Variants in KSR1 observed in about 807,000 individuals in gnomAD.
The protein encoded by KSR1 is kinase suppressor of ras 1, also known as kinase suppressor of ras.
A neutral mutation model predicts 92.9 loss-of-function variants in KSR1; 35 were observed. That is an observed-to-expected ratio of 0.38 (90% CI 0.29 to 0.50). KSR1 has a LOEUF of 0.50. KSR1 is among the 20% of genes least tolerant of loss of function. The pLI is 0.94. For synonymous variants in KSR1, 467 were observed against 472.6 expected (o/e 0.99, Z 0.15); for missense variants, 972 against 1,158.5 (o/e 0.84, Z 2.34).
intron 2 of KSR1, among the ~76,000 whole-genome samples, chr17:27,555,511 CGT>C (rs71359222): frequency 0.16 from 23,587 of 150,026 alleles, 1,855 homozygotes; most frequent in South Asian, 0.26. Flanking sequence ...TTTTGTTTGG[CGT>C]GTGTGTGTGT....
At chr17:27,594,539 C>T (rs571668483) in intron 9 of KSR1, among the ~76,000 whole-genome samples, 78 of 152,256 alleles carry the variant, frequency 5.1e-4, no homozygotes, top group African/African-American at 1.9e-3. Flanking sequence ...GCCCCTCCTG[C>T]GTGCACCTGC....
chr17:27,551,768 CCT>C (rs1398678094), intron 2 of KSR1, among the ~76,000 whole-genome samples: 1 of 152,192 alleles, frequency 6.6e-6, no homozygotes, highest in Non-Finnish European at 1.5e-5. Flanking sequence ...GACCCGCCTG[CCT>C]CTCTCCCTCC....
intron 2 of KSR1, among the ~76,000 whole-genome samples, chr17:27,568,405 A>C (rs1351965526): frequency 6.6e-6 from 1 of 151,926 alleles, no homozygotes; most frequent in African/African-American, 2.4e-5. Flanking sequence ...GACCCACCAG[A>C]CTCCAAGGCT....
At chr17:27,547,315 C>T (rs2071216137) in intron 1 of KSR1, among the ~76,000 whole-genome samples, 1 of 152,212 alleles carries the variant, frequency 6.6e-6, no homozygotes, top group Non-Finnish European at 1.5e-5. Context: ...GACCTGGCGT[C>T]TGTGGATAGA....
chr17:27,535,735 G>A (rs1355289229), intron 1 of KSR1, among the ~76,000 whole-genome samples: 1 of 152,204 alleles, frequency 6.6e-6, no homozygotes, highest in Non-Finnish European at 1.5e-5. Flanking sequence ...CTGGGAGCTC[G>A]CAGTCAGCCA....
At chr17:27,604,608 CG>C in intron 12 of KSR1, 71 bp from the exon 13 acceptor site, 2 of 1,459,402 alleles carry the variant, frequency 1.4e-6, no homozygotes, top group East Asian at 4.5e-5. Context: ...AGATCTCTCC[CG>C]GGAGTCCCCG....
intron 2 of KSR1, among the ~76,000 whole-genome samples, chr17:27,573,809 C>T (rs1416385955): frequency 2.0e-5 from 3 of 152,186 alleles, no homozygotes; most frequent in Non-Finnish European, 4.4e-5. Context: ...ATGGACTTAA[C>T]TCCATCTACT....
At chr17:27,468,310 A>G (rs1432377584) in intron 1 of KSR1, among the ~76,000 whole-genome samples, 1 of 150,538 alleles carries the variant, frequency 6.6e-6, no homozygotes, top group Non-Finnish European at 1.5e-5. Flanking sequence ...ATCTCAGCTC[A>G]CTGCAACCTC....
At chr17:27,608,561 C>G (rs1362388927) in intron 15 of KSR1, among the ~76,000 whole-genome samples, 1 of 152,170 alleles carries the variant, frequency 6.6e-6, no homozygotes. Context: ...TCACCCACTG[C>G]CACCTCTTCG....
intron 1 of KSR1, among the ~76,000 whole-genome samples, chr17:27,516,687 C>A (rs1364907708): frequency 6.6e-6 from 1 of 152,178 alleles, no homozygotes; most frequent in Non-Finnish European, 1.5e-5. Flanking sequence ...TCATCCTGTA[C>A]TTTTTGCTCT....
intron 1 of KSR1, among the ~76,000 whole-genome samples, chr17:27,469,616 T>G (rs1354087000): frequency 1.3e-5 from 2 of 152,214 alleles, no homozygotes; most frequent in African/African-American, 2.4e-5. Flanking sequence ...AGTAGGTTAA[T>G]TTTGGATTCT....
Position 27,582,891 on chromosome 17 carries a change from G to A in KSR1, c.766G>A (p.Ala256Thr), listed in dbSNP as rs141323140. The change falls in exon 4 of 21, where the codon GCC becomes ACC. Residue 256 changes from alanine to threonine, a missense_variant. Around this residue, in one of 5 missense-constraint regions of KSR1, gnomAD observed 611 missense variants for 668.0 expected, o/e 0.91. Transcript: ENST00000644974. ...CTCAGACACCTGTATTCCCCTGCAC[G>A]CCAGCGGCCGGCTGACCCCCCGTGC... is the stretch of plus-strand genomic sequence containing the variant. ...GLSDTCIPLH[A>T]SGRLTPRALH... 1.3e-3 allele frequency: 2,141 copies of A among 1,611,504 alleles called. 23 individuals are homozygous for A. In the African/African-American group the frequency reaches 0.025, roughly 19 times the overall value.
intron 1 of KSR1, among the ~76,000 whole-genome samples, chr17:27,510,101 C>G (rs958682296): frequency 6.6e-6 from 1 of 152,232 alleles, no homozygotes; most frequent in African/African-American, 2.4e-5. Context: ...ACAAGTTCAC[C>G]TGGGCCCTGC....
At chr17:27,530,655 T>G (rs913218009) in intron 1 of KSR1, among the ~76,000 whole-genome samples, 1 of 152,198 alleles carries the variant, frequency 6.6e-6, no homozygotes, top group African/African-American at 2.4e-5. Flanking sequence ...TTCCCATTCA[T>G]AGCCTTATAA....
intron 1 of KSR1, among the ~76,000 whole-genome samples, chr17:27,485,645 T>C (rs2068641178): frequency 6.6e-6 from 1 of 152,210 alleles, no homozygotes; most frequent in Non-Finnish European, 1.5e-5. Context: ...CTTGGTACTT[T>C]TTTTTCCTTT....
At chr17:27,620,001 G>A (rs182129027) in intron 19 of KSR1, among the ~76,000 whole-genome samples, 85 of 152,272 alleles carry the variant, frequency 5.6e-4, no homozygotes, top group African/African-American at 1.9e-3. Context: ...CCCGGCCTTC[G>A]GGCCCTGTCT....
intron 20 of KSR1, among the ~76,000 whole-genome samples, chr17:27,621,692 A>G (rs1378084346): frequency 6.6e-6 from 1 of 152,094 alleles, no homozygotes; most frequent in Non-Finnish European, 1.5e-5. Flanking sequence ...CTCTTTATAA[A>G]CGTGCTGCAA....
chr17:27,530,478 GAGTAACC>G (rs1402929231), intron 1 of KSR1, among the ~76,000 whole-genome samples: 1 of 152,016 alleles, frequency 6.6e-6, no homozygotes, highest in Admixed American at 6.6e-5. Context: ...AGGGCAGATG[GAGTAACC>G]AGCAAAGCCG....
chr17:27,579,878 C>CAAAAGAAAAAAAAA (rs2072671680), intron 3 of KSR1: 1 of 29,614 alleles, frequency 3.4e-5, no homozygotes, highest in Non-Finnish European at 5.8e-5. Context: ...GCTGTCTCAC[C>CAAAAGAAAAAAAAA]AAAAAAAAAA....
Sources: gnomAD v4.1 joint callset for allele counts (sites outside exome capture counted in the v4.1 genomes callset) on GRCh38, gnomAD v4.1.1 for gene constraint, gnomAD v4.1.1 regional missense constraint, MANE v1.5 for transcripts, NCBI Gene and HGNC (gene_info 2026-07-23, HGNC 2026-07-21) for gene names.